The following WDR89 variants were observed in gnomAD, a reference collection of about 807,000 sequenced individuals.
WDR89 encodes the protein WD repeat domain 89, also known as WD repeat-containing protein 89.
In WDR89, 17 loss-of-function variants were observed where a neutral mutation model predicts 29.1. The observed-to-expected ratio is 0.58, with a 90% CI of 0.40 to 0.88. The LOEUF (loss-of-function observed/expected upper bound fraction) is 0.88. Ranked by LOEUF, WDR89 falls within the 40% of genes least tolerant of loss-of-function variation. The pLI is 0.00. For missense variants in WDR89, 396 were observed against 456.3 expected (o/e 0.87, Z 1.20); for synonymous variants, 138 against 157.8 (o/e 0.87, Z 0.94).
chr14:63,599,981 AAATAAT>A lies in WDR89; in HGVS notation c.-31-14_-31-9del, dbSNP rs1232600177. On this transcript the variant is annotated splice_polypyrimidine_tract_variant and intron_variant, in intron 2 of 2. Transcript: ENST00000620954. ...TCCAAGGGTAGTAAAACTCTGTAAA[AAATAAT>A]AATAATAAAAATAAAAATTAATGCT... 7.5e-7 allele frequency: 1 copy of A among 1,333,566 alleles called. No individual in the cohort carries two copies. The highest frequency in any genetic ancestry group is 9.8e-7 in the Non-Finnish European group (1 of 1,021,932). The allele number at this position is 1,333,566 out of a possible 1,614,324, so 82.6% of individuals were successfully genotyped here. A position where few individuals can be genotyped will look rare whatever the true frequency, so the allele number is the denominator to read the frequency against.
chr14:63,618,871 T>C (rs1178034576), intron 2 of WDR89, among the ~76,000 whole-genome samples: 1 of 152,172 alleles, frequency 6.6e-6, no homozygotes, highest in Non-Finnish European at 1.5e-5. Context: ...ATCAGACTTC[T>C]CAATAGCAAC....
chr14:63,621,863 T>TA (rs1379091143), intron 2 of WDR89: 2 of 152,200 alleles, frequency 1.3e-5, no homozygotes, highest in African/African-American at 4.8e-5. Context: ...TGCACTTGAC[T>TA]AGTCTTCAAA....
chr14:63,613,257 G>A (rs1303009262), intron 2 of WDR89, among the ~76,000 whole-genome samples: 1 of 152,046 alleles, frequency 6.6e-6, no homozygotes, highest in Non-Finnish European at 1.5e-5. Flanking sequence ...TCTGAAACAT[G>A]TAGTTTTAAA....
chr14:63,603,921 A>G (rs1311372032), intron 2 of WDR89, among the ~76,000 whole-genome samples: 1 of 152,216 alleles, frequency 6.6e-6, no homozygotes, highest in East Asian at 1.9e-4. Flanking sequence ...CTTACCTTGA[A>G]CACGTCAGGC....
chr14:63,626,244 G>A (rs1883040188), intron 1 of WDR89, among the ~76,000 whole-genome samples: 1 of 152,012 alleles, frequency 6.6e-6, no homozygotes, highest in South Asian at 2.1e-4. Flanking sequence ...GAAATTGGAA[G>A]AAAATTTTCA....
At chr14:63,608,707 T>C (rs1337110799) in intron 2 of WDR89, among the ~76,000 whole-genome samples, 2 of 146,324 alleles carry the variant, frequency 1.4e-5, no homozygotes, top group Non-Finnish European at 3.0e-5. Context: ...CAAATAGGTT[T>C]AAGAAGCAAA....
intron 1 of WDR89, among the ~76,000 whole-genome samples, chr14:63,639,211 C>T (rs552604914): frequency 1.8e-4 from 28 of 152,256 alleles, no homozygotes; most frequent in African/African-American, 5.1e-4. Flanking sequence ...ATACTTCTGA[C>T]CTCCAGAACT....
chr14:63,602,785 A>AG (rs1895136742), intron 2 of WDR89, among the ~76,000 whole-genome samples: 1 of 152,094 alleles, frequency 6.6e-6, no homozygotes, highest in East Asian at 1.9e-4. Context: ...AAAAAAAAAA[A>AG]AAGATGTAAT....
intron 1 of WDR89, among the ~76,000 whole-genome samples, chr14:63,629,748 A>T: frequency 6.6e-6 from 1 of 152,184 alleles, no homozygotes; most frequent in Admixed American, 6.5e-5. Context: ...TGTATACCCA[A>T]CTAAAACGTC....
intron 1 of WDR89, among the ~76,000 whole-genome samples, chr14:63,640,690 C>G (rs1884053226): frequency 6.6e-6 from 1 of 151,456 alleles, no homozygotes; most frequent in South Asian, 2.1e-4. Context: ...GTTGACCAGG[C>G]TGGTCTCGAA....
chr14:63,611,204 G>A (rs1881963878), intron 2 of WDR89, among the ~76,000 whole-genome samples: 2 of 151,828 alleles, frequency 1.3e-5, no homozygotes, highest in Non-Finnish European at 2.9e-5. Flanking sequence ...GGGAGTGGTG[G>A]CACACACTTG....
At chr14:63,618,540 T>C (rs1481142959) in intron 2 of WDR89, among the ~76,000 whole-genome samples, 2 of 151,704 alleles carry the variant, frequency 1.3e-5, no homozygotes, top group African/African-American at 4.8e-5. Flanking sequence ...AAATACAAAA[T>C]ACACAGAAGA....
At chr14:63,608,662 GCATGCA>G (rs1881751017) in intron 2 of WDR89, among the ~76,000 whole-genome samples, 1 of 131,978 alleles carries the variant, frequency 7.6e-6, no homozygotes, top group South Asian at 2.4e-4. Context: ...CCAGTGTGGT[GCATGCA>G]CACACACACA....
At chr14:63,639,358 A>AC (rs1224921187) in intron 1 of WDR89, among the ~76,000 whole-genome samples, 1 of 103,978 alleles carries the variant, frequency 9.6e-6, no homozygotes, top group Non-Finnish European at 1.8e-5. Context: ...CATCTCTACC[A>AC]AAAAAAAAAA....
At chr14:63,633,738 AC>A (rs997034902) in intron 1 of WDR89, among the ~76,000 whole-genome samples, 3 of 152,216 alleles carry the variant, frequency 2.0e-5, no homozygotes, top group African/African-American at 7.2e-5. Flanking sequence ...TTTCCTCTCT[AC>A]TGAACACAGT....
At chr14:63,628,796 A>G (rs61984045) in intron 1 of WDR89, among the ~76,000 whole-genome samples, 4,505 of 152,206 alleles carry the variant, frequency 0.03, 78 homozygotes, top group African/African-American at 0.039. Context: ...CCCTATCCCT[A>G]TCAAAAGTAC....
intron 1 of WDR89, among the ~76,000 whole-genome samples, chr14:63,628,686 G>A (rs111676561): frequency 0.038 from 5,780 of 152,238 alleles, 362 homozygotes; most frequent in African/African-American, 0.13. Flanking sequence ...GCCACTGGCC[G>A]GGTGCGGTGG....
At chr14:63,613,313 G>A (rs993294302) in intron 2 of WDR89, among the ~76,000 whole-genome samples, 5 of 149,618 alleles carry the variant, frequency 3.3e-5, no homozygotes, top group African/African-American at 7.6e-5. Context: ...CTTCTTAGGG[G>A]ACAAGTGAGA....
chr14:63,605,179 TA>T (rs1566790493), intron 2 of WDR89, among the ~76,000 whole-genome samples: 3 of 142,676 alleles, frequency 2.1e-5, no homozygotes, highest in Admixed American at 7.0e-5. Flanking sequence ...TATATATATA[TA>T]TACACACACA....
Sources: allele counts gnomAD v4.1 joint callset (sites outside exome capture counted in the v4.1 genomes callset), GRCh38; gene constraint gnomAD v4.1.1; transcripts MANE v1.5; gene names NCBI Gene and HGNC (gene_info 2026-07-23, HGNC 2026-07-21).